RIT2: variants seen among roughly 807,000 people sequenced by gnomAD.
RIT2 encodes GTP-binding protein Rit2.
RIT2 carries 24 observed loss-of-function variants against 23.7 expected under a neutral mutation model. That is an observed-to-expected ratio of 1.01 (90% CI 0.73 to 1.43). The LOEUF (loss-of-function observed/expected upper bound fraction) is 1.43, where lower values mean the gene tolerates loss of function less well. Among genes scored for constraint, RIT2 ranks in the 40% most tolerant of loss-of-function variants. The probability of loss-of-function intolerance (pLI) is 0.00; values close to 1 mark genes in which losing one functional copy is unlikely to be tolerated. For missense variants in RIT2, 236 were observed against 266.9 expected (o/e 0.88, Z 0.81); for synonymous variants, 107 against 91.1 (o/e 1.17, Z -0.99).
intron 1 of RIT2, among the ~76,000 whole-genome samples, chr18:43,036,349 G>C (rs1369059139): frequency 6.6e-6 from 1 of 152,094 alleles, no homozygotes; most frequent in Non-Finnish European, 1.5e-5. Context: ...AGAACAGCCT[G>C]GCCAACATGG....
chr18:43,098,302 T>C lies in RIT2; in HGVS notation c.103+17115A>G, dbSNP rs748380167. On this transcript the variant is annotated intron_variant, in intron 1 of 4. Transcript: ENST00000326695. ...AGTTTTCAAAAATGGCAGAAACATG[T>C]GTCTTCCTTTCTGGGAAGAACCAGG... Among the ~76,000 whole-genome samples the C allele has an allele frequency of 3.9e-5, 6 of 152,012 alleles. No homozygotes were observed. The East Asian group carries it at 1.2e-3, about 29-fold the overall frequency.
intron 4 of RIT2, among the ~76,000 whole-genome samples, chr18:42,871,570 TA>T (rs1246511889): frequency 6.6e-6 from 1 of 152,190 alleles, no homozygotes; most frequent in Non-Finnish European, 1.5e-5. Context: ...TGCCTCTAGA[TA>T]ACCAAATGTC....
chr18:43,053,546 A>G (rs1270024868), intron 1 of RIT2, among the ~76,000 whole-genome samples: 1 of 152,056 alleles, frequency 6.6e-6, no homozygotes, highest in Non-Finnish European at 1.5e-5. Flanking sequence ...AACTAGATAA[A>G]TATTTTTTGT....
intron 3 of RIT2, among the ~76,000 whole-genome samples, chr18:42,959,420 A>C (rs1207691972): frequency 6.6e-6 from 1 of 152,240 alleles, no homozygotes; most frequent in African/African-American, 2.4e-5. Context: ...GTACTATACT[A>C]TCACTCTTAA....
At chr18:42,843,609 G>C (rs573749850) in intron 4 of RIT2, among the ~76,000 whole-genome samples, 1 of 152,274 alleles carries the variant, frequency 6.6e-6, no homozygotes, top group South Asian at 2.1e-4. Flanking sequence ...GCATAAGTCT[G>C]TTCATTTATC....
At chr18:42,983,254 T>C (rs1910636931) in intron 2 of RIT2, among the ~76,000 whole-genome samples, 1 of 151,996 alleles carries the variant, frequency 6.6e-6, no homozygotes, top group Non-Finnish European at 1.5e-5. Context: ...AGCAATTTAG[T>C]GGAGGAAAAA....
chr18:42,916,177 GC>G (rs1908905046), intron 4 of RIT2, among the ~76,000 whole-genome samples: 1 of 152,044 alleles, frequency 6.6e-6, no homozygotes, highest in African/African-American at 2.4e-5. Flanking sequence ...CTAGGATGGG[GC>G]CTGATAATTA....
At chr18:42,976,328 A>C (rs1199682440) in intron 2 of RIT2, among the ~76,000 whole-genome samples, 1 of 152,076 alleles carries the variant, frequency 6.6e-6, no homozygotes, top group African/African-American at 2.4e-5. Flanking sequence ...AACAATAAAA[A>C]CTTAGACAAT....
intron 3 of RIT2, among the ~76,000 whole-genome samples, chr18:42,965,527 A>G (rs542734287): frequency 1.3e-5 from 2 of 152,244 alleles, no homozygotes; most frequent in South Asian, 4.1e-4. Context: ...ATTCATTTAT[A>G]TAATCTAAAT....
At chr18:42,893,225 CAA>C (rs57140473) in intron 4 of RIT2, among the ~76,000 whole-genome samples, 86,240 of 112,482 alleles carry the variant, frequency 0.77, 31,931 homozygotes, top group Non-Finnish European at 0.82. Context: ...GACTCCGTCT[CAA>C]AAAAAAAAAA....
intron 1 of RIT2, among the ~76,000 whole-genome samples, chr18:43,052,465 G>A (rs548005242): frequency 4.6e-5 from 7 of 152,024 alleles, no homozygotes; most frequent in Admixed American, 6.6e-5. Flanking sequence ...AATACTTCAC[G>A]GGCTTTATCA....
chr18:42,771,149 T>C (rs895103496), intron 4 of RIT2, among the ~76,000 whole-genome samples: 2 of 152,184 alleles, frequency 1.3e-5, no homozygotes, highest in African/African-American at 4.8e-5. Context: ...TATACATTGC[T>C]AGTTTTCCCT....
intron 1 of RIT2, among the ~76,000 whole-genome samples, chr18:43,052,308 A>G (rs531168767): frequency 6.6e-6 from 1 of 152,242 alleles, no homozygotes; most frequent in African/African-American, 2.4e-5. Context: ...AAATTTAATT[A>G]GGATTGTGTA....
At chr18:43,101,906 G>A (rs940000838) in intron 1 of RIT2, among the ~76,000 whole-genome samples, 2 of 152,092 alleles carry the variant, frequency 1.3e-5, no homozygotes, top group African/African-American at 4.8e-5. Context: ...AAAAGAGTGG[G>A]TAGCTAGCTA....
intron 4 of RIT2, among the ~76,000 whole-genome samples, chr18:42,807,312 T>G (rs533856441): frequency 1.0e-3 from 155 of 152,322 alleles, no homozygotes; most frequent in African/African-American, 3.5e-3. Context: ...CAGAGAACAC[T>G]TCTGATATTT....
chr18:42,840,939 C>T (rs1598677569), intron 4 of RIT2, among the ~76,000 whole-genome samples: 1 of 152,334 alleles, frequency 6.6e-6, no homozygotes, highest in Non-Finnish European at 1.5e-5. Flanking sequence ...TCCCATGCCT[C>T]TACCACTAGA....
chr18:43,037,570 G>A (rs888370656), intron 1 of RIT2, among the ~76,000 whole-genome samples: 11 of 151,894 alleles, frequency 7.2e-5, no homozygotes, highest in African/African-American at 2.7e-4. Flanking sequence ...TTGTACTCAT[G>A]TTCTTATTCT....
intron 4 of RIT2, among the ~76,000 whole-genome samples, chr18:42,798,837 T>A (rs1246741492): frequency 6.6e-6 from 1 of 152,220 alleles, no homozygotes; most frequent in East Asian, 1.9e-4. Context: ...CTTGTCTCTC[T>A]GTTAGAGGGA....
intron 1 of RIT2, among the ~76,000 whole-genome samples, chr18:43,071,074 A>T (rs1912886093): frequency 6.6e-6 from 1 of 152,140 alleles, no homozygotes; most frequent in African/African-American, 2.4e-5. Flanking sequence ...TTTTACCAAT[A>T]ATTTTCTGGG....
Sources: gnomAD v4.1 joint callset for allele counts (sites outside exome capture counted in the v4.1 genomes callset) on GRCh38, gnomAD v4.1.1 for gene constraint, MANE v1.5 for transcripts, NCBI Gene and HGNC (gene_info 2026-07-23, HGNC 2026-07-21) for gene names.